LIPA: variants seen among roughly 807,000 people sequenced by gnomAD.
The protein encoded by LIPA is lipase A, lysosomal acid type, also known as lysosomal acid lipase/cholesteryl ester hydrolase.
LIPA carries 26 observed loss-of-function variants against 40.6 expected under a neutral mutation model. That is an observed-to-expected ratio of 0.64 (90% CI 0.47 to 0.89). LIPA has a LOEUF of 0.89. LIPA is among the 40% of genes least tolerant of loss of function. The probability of loss-of-function intolerance (pLI) is 0.00; values close to 1 mark genes in which losing one functional copy is unlikely to be tolerated. For missense variants in LIPA, 455 were observed against 479.6 expected, an observed-to-expected ratio of 0.95 and a Z score of 0.48; for synonymous variants, 188 against 168.4, an observed-to-expected ratio of 1.12 and a Z score of -0.90.
chr10:89,252,249 T>C (rs753997122), upstream of LIPA, among the ~76,000 whole-genome samples: 3 of 152,250 alleles, frequency 2.0e-5, no homozygotes, highest in Non-Finnish European at 4.4e-5. Flanking sequence ...TTTTTTATTA[T>C]TATTAAAGAT....
At chr10:89,255,643 G>T (rs2133483758), upstream of LIPA, among the ~76,000 whole-genome samples, 1 of 152,342 alleles carries the variant, frequency 6.6e-6, no homozygotes, top group East Asian at 1.9e-4. Context: ...AATAGGACTT[G>T]CTGGTGGATT....
chr10:89,326,117 A>C (rs959567642), intron 1 of LIPA, among the ~76,000 whole-genome samples: 1 of 152,224 alleles, frequency 6.6e-6, no homozygotes, highest in Non-Finnish European at 1.5e-5. Context: ...AAATCAGTAC[A>C]TCAAAGAGAT....
intron 1 of LIPA, among the ~76,000 whole-genome samples, chr10:89,294,440 A>C (rs1228863981): frequency 6.6e-6 from 1 of 152,206 alleles, no homozygotes; most frequent in East Asian, 1.9e-4. Flanking sequence ...AAGGGTAAAT[A>C]GGGGGTGAGG....
At position 89,362,043 on chromosome 10, in the gene LIPA, G is replaced by A. The variant is rs59479309; in HGVS notation, c.61+50748C>T. Among the ~76,000 whole-genome samples the A allele has an allele frequency of 9.0e-3, 1,365 of 151,900 alleles. 21 individuals are homozygous for A. The highest frequency in any genetic ancestry group is 0.032 in the African/African-American group (1,310 of 41,394). ...CCTCCCTGAGTAGCTGGGACTACAG[G>A]TGTGTGCCACCATGCCCAGATAAAT... On this transcript the variant is annotated intron_variant, in intron 2 of 8. Transcript: ENST00000371837.
At chr10:89,410,942 G>A (rs303173) in intron 2 of LIPA, among the ~76,000 whole-genome samples, 1 of 152,118 alleles carries the variant, frequency 6.6e-6, no homozygotes, top group South Asian at 2.1e-4. Flanking sequence ...GAGAGGAAGA[G>A]AGAGACGAAG....
At chr10:89,320,191 C>T (rs1422671299) in intron 1 of LIPA, among the ~76,000 whole-genome samples, 1 of 152,110 alleles carries the variant, frequency 6.6e-6, no homozygotes, top group Non-Finnish European at 1.5e-5. Flanking sequence ...CACTCCTATT[C>T]AAAACAGTGT....
In LIPA at chr10:89,222,028, A is replaced by AT. The variant is rs553281995; in HGVS notation, c.894+482dup. Among the ~76,000 whole-genome samples the AT allele has an allele frequency of 2.0e-3, 310 of 152,310 alleles. 1 individual carries two copies. Among genetic ancestry groups the AT allele is most frequent in the African/African-American group, 7.0e-3 (290 of 41,568 alleles). ...TCAGGGGCCCCCATTCACATCTATC[A>AT]TTGGTTTAGCTCCAGTTTATTCACT... On this transcript the variant is annotated intron_variant, in intron 8 of 9. Coordinates refer to ENST00000336233, the MANE Select transcript of LIPA (RefSeq NM_000235.4).
chr10:89,225,953 C>A (rs1306095503), intron 5 of LIPA, among the ~76,000 whole-genome samples: 3 of 152,170 alleles, frequency 2.0e-5, no homozygotes, highest in African/African-American at 7.2e-5. Flanking sequence ...ATTGTAAGGC[C>A]TCCCTAGCTC....
intron 1 of LIPA, among the ~76,000 whole-genome samples, chr10:89,331,106 G>C (rs1189484763): frequency 6.6e-6 from 1 of 152,214 alleles, no homozygotes; most frequent in Non-Finnish European, 1.5e-5. Context: ...AATGAGGACT[G>C]TTTACATAGG....
chr10:89,383,104 T>C (rs1319908971), intron 2 of LIPA, among the ~76,000 whole-genome samples: 1 of 152,172 alleles, frequency 6.6e-6, no homozygotes, highest in Non-Finnish European at 1.5e-5. Flanking sequence ...ATGTAACCTA[T>C]CTGTTGGCAC....
chr10:89,219,717 T>A lies in LIPA; in HGVS notation c.894+2794A>T, dbSNP rs141318141. Among the ~76,000 whole-genome samples the A allele has an allele frequency of 1.9e-3, 290 of 152,308 alleles. 3 individuals are homozygous for A. The highest frequency in any genetic ancestry group is 5.8e-3 in the East Asian group (30 of 5,172). On this transcript the variant is annotated intron_variant, in intron 8 of 9. Coordinates refer to ENST00000336233, the MANE Select transcript of LIPA (RefSeq NM_000235.4). ...TTTTCCTGCACTGCCTCTTGGAGCC[T>A]GCAGCCTGCACCAGTGGCAGCCCCT...
rs151196805 is a variant in LIPA, at chr10:89,409,431, G to A, written c.61+3360C>T. Among the ~76,000 whole-genome samples the A allele has an allele frequency of 2.6e-5, 4 of 152,274 alleles. No homozygotes were observed. The East Asian group carries it at 7.7e-4, about 29-fold the overall frequency. On this transcript the variant is annotated intron_variant, in intron 2 of 8. Transcript: ENST00000371837. ...TTACAAGGACGCTTTAAAAAAGACT[G>A]TCCAAACAAGCTGCCCCCTCACCCA...
chr10:89,318,179 T>C (rs1843551245), intron 1 of LIPA, among the ~76,000 whole-genome samples: 1 of 152,168 alleles, frequency 6.6e-6, no homozygotes, highest in Non-Finnish European at 1.5e-5. Context: ...AATAACCAGC[T>C]AACATGATAA....
At chr10:89,341,779 A>G (rs1843872912) in intron 1 of LIPA, among the ~76,000 whole-genome samples, 1 of 152,196 alleles carries the variant, frequency 6.6e-6, no homozygotes, top group African/African-American at 2.4e-5. Context: ...TCACAGACAT[A>G]GTATATGCAC....
chr10:89,334,060 GA>G (rs1843691688), intron 1 of LIPA, among the ~76,000 whole-genome samples: 1 of 152,186 alleles, frequency 6.6e-6, no homozygotes, highest in Admixed American at 6.5e-5. Context: ...ACATGCTGGG[GA>G]CAAGCTGCAC....
At chr10:89,400,461 T>C (rs1010565920) in intron 2 of LIPA, among the ~76,000 whole-genome samples, 4 of 152,218 alleles carry the variant, frequency 2.6e-5, no homozygotes, top group Admixed American at 2.0e-4. Flanking sequence ...AGCAGTCTTA[T>C]AGTTTCCAGT....
intron 1 of LIPA, among the ~76,000 whole-genome samples, chr10:89,251,247 G>C (rs763376205): frequency 3.3e-5 from 5 of 152,226 alleles, no homozygotes; most frequent in Non-Finnish European, 5.9e-5. Context: ...TGAAGTACTG[G>C]AAGCAAAGTG....
chr10:89,414,198 T>C (rs988893888), intron 1 of LIPA, among the ~76,000 whole-genome samples: 1 of 152,210 alleles, frequency 6.6e-6, no homozygotes, highest in African/African-American at 2.4e-5. Context: ...AATAACAGCA[T>C]AGATGTATAG....
chr10:89,348,936 C>G (rs11203085), intron 2 of LIPA, among the ~76,000 whole-genome samples: 10,546 of 152,212 alleles, frequency 0.069, 916 homozygotes, highest in African/African-American at 0.2. Context: ...AAATTATACA[C>G]TGAGCCTAGA....
Sources: allele counts gnomAD v4.1 joint callset (sites outside exome capture counted in the v4.1 genomes callset), GRCh38; gene constraint gnomAD v4.1.1; transcripts MANE v1.5; gene names NCBI Gene and HGNC (gene_info 2026-07-23, HGNC 2026-07-21).